Variants in SYK observed in about 807,000 individuals in gnomAD.
SYK encodes the protein spleen associated tyrosine kinase, also known as tyrosine-protein kinase SYK.
SYK carries 16 observed loss-of-function variants against 77.8 expected under a neutral mutation model. The observed-to-expected ratio is 0.21, with a 90% CI of 0.14 to 0.31. The LOEUF is 0.31. Ranked by LOEUF, SYK falls within the 10% of genes least tolerant of loss-of-function variation. The pLI, the probability that SYK is intolerant of heterozygous loss-of-function variation, is 1.00. For synonymous variants in SYK, 312 were observed against 308.7 expected, an observed-to-expected ratio of 1.01 and a Z score of -0.11; for missense variants, 529 against 814.4, an observed-to-expected ratio of 0.65 and a Z score of 4.26.
chr9:90,839,067 T>G (rs1826193460), intron 1 of SYK, among the ~76,000 whole-genome samples: 1 of 152,150 alleles, frequency 6.6e-6, no homozygotes, highest in Non-Finnish European at 1.5e-5. Context: ...AACAGCAGCC[T>G]GGGCCACTGT....
intron 3 of SYK, 56 bp downstream of exon 3, chr9:90,845,650 G>C: frequency 6.3e-7 from 1 of 1,581,066 alleles, no homozygotes; most frequent in Non-Finnish European, 8.6e-7. Context: ...TGGACAATTG[G>C]GAATAATTCA....
chr9:90,867,056 T>C, intron 6 of SYK, 75 bp from the exon 7 acceptor site: 6 of 1,550,166 alleles, frequency 3.9e-6, no homozygotes, highest in Non-Finnish European at 5.3e-6. Flanking sequence ...CAAATTTAAG[T>C]AGCATGTCGT....
At chr9:90,884,226 CATACACAT>C (rs1373243997) in intron 11 of SYK, among the ~76,000 whole-genome samples, 2 of 142,030 alleles carry the variant, frequency 1.4e-5, no homozygotes, top group Non-Finnish European at 3.1e-5. Flanking sequence ...CGCATATACA[CATACACAT>C]ACGTGTATAT....
At chr9:90,820,452 A>G (rs1345751929) in intron 1 of SYK, among the ~76,000 whole-genome samples, 3 of 152,368 alleles carry the variant, frequency 2.0e-5, no homozygotes, top group South Asian at 2.1e-4. Context: ...CCAAACCTCA[A>G]TTCTTGACTT....
At chr9:90,887,028 C>CCTAT (rs1355917259) in intron 11 of SYK, among the ~76,000 whole-genome samples, 1 of 151,966 alleles carries the variant, frequency 6.6e-6, no homozygotes, top group Non-Finnish European at 1.5e-5. Context: ...TGGTGTACAC[C>CCTAT]CTATGTAAAT....
At chr9:90,874,328 C>A (rs779317330) in intron 8 of SYK, 37 bp downstream of exon 8, 1 of 1,595,948 alleles carries the variant, frequency 6.3e-7, no homozygotes, top group East Asian at 2.2e-5. Context: ...ATTCACAGAG[C>A]AAAGTGCGTG....
At chr9:90,813,084 G>A (rs925021924) in intron 1 of SYK, among the ~76,000 whole-genome samples, 1 of 152,082 alleles carries the variant, frequency 6.6e-6, no homozygotes, top group African/African-American at 2.4e-5. Flanking sequence ...ATTATGCTTA[G>A]TCCACCATGC....
intron 11 of SYK, among the ~76,000 whole-genome samples, chr9:90,881,572 C>T (rs1362039740): frequency 1.3e-5 from 2 of 149,970 alleles, no homozygotes; most frequent in Non-Finnish European, 3.0e-5. Flanking sequence ...CCCAGCTACT[C>T]TGGTGGCTGA....
intron 1 of SYK, among the ~76,000 whole-genome samples, chr9:90,839,258 G>A (rs1237490630): frequency 6.6e-6 from 1 of 152,222 alleles, no homozygotes; most frequent in Non-Finnish European, 1.5e-5. Context: ...TGTGCCATAA[G>A]CTGTCCTTGC....
At chr9:90,864,721 C>T in intron 5 of SYK, 54 bp downstream of exon 5, 14 of 1,528,776 alleles carry the variant, frequency 9.2e-6, no homozygotes, top group Non-Finnish European at 8.2e-6. Flanking sequence ...TGACAATCAG[C>T]CTCATTTTAG....
intron 11 of SYK, among the ~76,000 whole-genome samples, chr9:90,884,166 CAT>C (rs1324237986): frequency 6.4e-5 from 5 of 77,552 alleles, no homozygotes; most frequent in African/African-American, 2.2e-4. Context: ...TATATACACA[CAT>C]ACACATACGT....
chr9:90,835,851 C>T (rs1474690039), intron 1 of SYK, among the ~76,000 whole-genome samples: 1 of 152,140 alleles, frequency 6.6e-6, no homozygotes, highest in African/African-American at 2.4e-5. Context: ...AAGCAACATA[C>T]AATTTTGACC....
chr9:90,873,359 C>G lies in SYK; in HGVS notation c.916-845C>G, dbSNP rs1355621586. ...ACTCACGCTGAAAAAAAAAAAAAAG[C>G]ATCTGAATCATGGTTCTCCTGTGAA... On this transcript the variant is annotated intron_variant, in intron 7 of 13. Coordinates refer to ENST00000375754, the MANE Select transcript of SYK (RefSeq NM_003177.7). Among the ~76,000 whole-genome samples, 7 of 147,828 alleles carry G rather than the reference C, an allele frequency of 4.7e-5. No homozygotes were observed. The South Asian group carries it at 1.5e-3, about 31-fold the overall frequency.
At chr9:90,836,185 G>A (rs562982984) in intron 1 of SYK, among the ~76,000 whole-genome samples, 1 of 152,016 alleles carries the variant, frequency 6.6e-6, no homozygotes, top group South Asian at 2.1e-4. Flanking sequence ...TACTTGGGAG[G>A]CTGAGGCAGG....
upstream of SYK, chr9:90,801,654 G>C (rs1042907408): frequency 6.6e-6 from 1 of 152,272 alleles, no homozygotes; most frequent in Non-Finnish European, 1.5e-5. Context: ...GGCCTCGCCC[G>C]GCGCTTCAGC....
chr9:90,864,515 C>A, intron 4 of SYK, 74 bp from the exon 5 acceptor site: 2 of 1,309,924 alleles, frequency 1.5e-6, no homozygotes, highest in South Asian at 1.2e-5. Context: ...AACAGTCAGT[C>A]AGTAGCTCTC....
At chr9:90,889,008 C>G (rs2118980246) in intron 13 of SYK, among the ~76,000 whole-genome samples, 1 of 152,244 alleles carries the variant, frequency 6.6e-6, no homozygotes, top group Non-Finnish European at 1.5e-5. Flanking sequence ...TTCCTGACTC[C>G]CTGATTACCA....
intron 7 of SYK, among the ~76,000 whole-genome samples, chr9:90,871,726 C>T (rs1014788819): frequency 3.3e-5 from 5 of 152,180 alleles, no homozygotes; most frequent in Admixed American, 6.5e-5. Flanking sequence ...TTGCTCCAGT[C>T]CTGTTAGTCA....
chr9:90,839,806 AGC>A (rs1826227053), intron 1 of SYK, among the ~76,000 whole-genome samples: 1 of 152,082 alleles, frequency 6.6e-6, no homozygotes, highest in Admixed American at 6.5e-5. Context: ...GGGGTATTTG[AGC>A]TGGGTCTGTA....
Sources: allele counts gnomAD v4.1 joint callset (sites outside exome capture counted in the v4.1 genomes callset), GRCh38; gene constraint gnomAD v4.1.1; transcripts MANE v1.5; gene names NCBI Gene and HGNC (gene_info 2026-07-23, HGNC 2026-07-21).